Variants in MED13 observed in about 807,000 individuals in gnomAD.
MED13 encodes mediator complex subunit 13.
A neutral mutation model predicts 225.2 loss-of-function variants in MED13; 23 were observed. That is an observed-to-expected ratio of 0.10 (90% CI 0.07 to 0.14). MED13 has a LOEUF of 0.14. Ranked by LOEUF, MED13 falls within the 10% of genes least tolerant of loss-of-function variation. The probability of loss-of-function intolerance (pLI) is 1.00; values close to 1 mark genes in which losing one functional copy is unlikely to be tolerated. For missense variants in MED13, 2,197 were observed against 2,594.5 expected (o/e 0.85, Z 3.33); for synonymous variants, 942 against 889.2 (o/e 1.06, Z -1.06).
intron 9 of MED13, among the ~76,000 whole-genome samples, chr17:62,000,160 T>G (rs1351554686): frequency 6.6e-6 from 1 of 152,190 alleles, no homozygotes; most frequent in Non-Finnish European, 1.5e-5. Flanking sequence ...TAGCAATCAA[T>G]GGAAACATTT....
intron 8 of MED13, among the ~76,000 whole-genome samples, chr17:62,019,008 T>C (rs1356003730): frequency 6.6e-6 from 1 of 152,210 alleles, no homozygotes; most frequent in East Asian, 1.9e-4. Flanking sequence ...AGATTCCACA[T>C]TCCAACCAAC....
chr17:61,977,008 A>T (rs1222422109), intron 16 of MED13, among the ~76,000 whole-genome samples: 1 of 152,240 alleles, frequency 6.6e-6, no homozygotes, highest in African/African-American at 2.4e-5. Context: ...AAATTCATTC[A>T]AACATAACCT....
chr17:61,951,854 T>C (rs550748747), intron 27 of MED13, among the ~76,000 whole-genome samples: 2 of 152,308 alleles, frequency 1.3e-5, no homozygotes, highest in Admixed American at 1.3e-4. Context: ...GGGTAAATTT[T>C]ATACCTATGC....
chr17:62,013,087 G>A (rs965087940), intron 8 of MED13, among the ~76,000 whole-genome samples: 4 of 151,924 alleles, frequency 2.6e-5, no homozygotes, highest in Non-Finnish European at 4.4e-5. Flanking sequence ...CACTGCGCCC[G>A]GCCGAGACAC....
chr17:62,065,062 A>C, intron 1 of MED13, 78 bp downstream of exon 1: 1 of 1,338,690 alleles, frequency 7.5e-7, no homozygotes, highest in East Asian at 3.0e-5. Flanking sequence ...TCTGGACCAG[A>C]CCCGGCCCCC....
intron 17 of MED13, among the ~76,000 whole-genome samples, chr17:61,971,890 C>T (rs777916272): frequency 6.6e-6 from 1 of 151,856 alleles, no homozygotes. Context: ...GCCAAGACGG[C>T]GCCAGTGCAC....
At chr17:62,044,727 AT>A (rs2080884144) in intron 3 of MED13, among the ~76,000 whole-genome samples, 1 of 152,170 alleles carries the variant, frequency 6.6e-6, no homozygotes, top group South Asian at 2.1e-4. Flanking sequence ...CAGTGGCACG[AT>A]CTCTGCTCAC....
At chr17:62,049,477 ACAAT>A (rs1429285552) in intron 3 of MED13, among the ~76,000 whole-genome samples, 2 of 152,184 alleles carry the variant, frequency 1.3e-5, no homozygotes, top group Non-Finnish European at 2.9e-5. Context: ...CAGGCATAAA[ACAAT>A]CTATCAATGA....
chr17:61,988,467 T>G (rs963732507), intron 11 of MED13, among the ~76,000 whole-genome samples: 1 of 152,248 alleles, frequency 6.6e-6, no homozygotes, highest in Non-Finnish European at 1.5e-5. Flanking sequence ...TAAAAGTCAC[T>G]TCCCCAGTGT....
At chr17:61,951,984 A>G (rs1452248260) in intron 27 of MED13, among the ~76,000 whole-genome samples, 3 of 151,524 alleles carry the variant, frequency 2.0e-5, no homozygotes, top group African/African-American at 7.3e-5. Flanking sequence ...TGCAAGCTCC[A>G]CCTCCCGGGT....
At chr17:62,002,133 A>G (rs1411559870) in intron 9 of MED13, among the ~76,000 whole-genome samples, 1 of 152,188 alleles carries the variant, frequency 6.6e-6, no homozygotes, top group Non-Finnish European at 1.5e-5. Flanking sequence ...GAGGTGTTTG[A>G]TCATATTACA....
chr17:62,031,622 G>T lies in MED13; in HGVS notation c.831C>A (p.Ile277=). The change falls in exon 6 of 30, where the codon ATC becomes ATA. Residue 277 remains isoleucine (I), a synonymous_variant. Coordinates refer to ENST00000397786, the MANE Select transcript of MED13 (RefSeq NM_005121.3). Reference sequence around the variant, plus strand: ...GGACTAGAACAAAGCATGCTGGGTAGATCATTCGGACACCAGCTGAAAGGA... The same window carrying T: ...GGACTAGAACAAAGCATGCTGGGTATATCATTCGGACACCAGCTGAAAGGA... ...VEVLVAGVRM[I]YPACFVLVPQ... 6.3e-7 allele frequency: 1 copy of T among 1,580,346 alleles called. No individual in the cohort carries two copies. Among genetic ancestry groups the T allele is most frequent in the Non-Finnish European group, 8.6e-7 (1 of 1,163,740 alleles).
At chr17:62,060,619 C>T (rs1347695007) in intron 2 of MED13, among the ~76,000 whole-genome samples, 6 of 148,148 alleles carry the variant, frequency 4.1e-5, no homozygotes, top group East Asian at 2.0e-4. Context: ...CACTCCAGCC[C>T]GCGGGACAGA....
intron 2 of MED13, among the ~76,000 whole-genome samples, chr17:62,060,444 C>A (rs1306292168): frequency 1.3e-5 from 2 of 151,930 alleles, no homozygotes; most frequent in African/African-American, 4.8e-5. Flanking sequence ...AACAGTGAAA[C>A]CCCGTCTCTA....
chr17:61,965,534 C>T (rs2080050393), intron 19 of MED13, 66 bp from the exon 20 acceptor site: 4 of 1,411,486 alleles, frequency 2.8e-6, no homozygotes, highest in Non-Finnish European at 3.8e-6. Flanking sequence ...TTAAATTCTA[C>T]TGTGTAAACA....
chr17:61,960,637 T>G (rs1463107322), intron 23 of MED13, among the ~76,000 whole-genome samples: 1 of 152,128 alleles, frequency 6.6e-6, no homozygotes, highest in Non-Finnish European at 1.5e-5. Context: ...GACACAGAAG[T>G]TAGTGACCTT....
At chr17:61,967,988 C>A (rs376789525) in intron 18 of MED13, 47 bp downstream of exon 18, 5 of 1,445,502 alleles carry the variant, frequency 3.5e-6, no homozygotes, top group East Asian at 2.3e-5. Context: ...TACAACAATA[C>A]AAATCGTAAG....
At chr17:62,056,720 A>G (rs1320287676) in intron 2 of MED13, among the ~76,000 whole-genome samples, 1 of 152,158 alleles carries the variant, frequency 6.6e-6, no homozygotes, top group Admixed American at 6.5e-5. Context: ...ATGATTAAGC[A>G]CTGCAGGCTG....
At chr17:61,954,439 G>A (rs900365638) in intron 26 of MED13, among the ~76,000 whole-genome samples, 8 of 152,140 alleles carry the variant, frequency 5.3e-5, no homozygotes, top group Admixed American at 3.3e-4. Context: ...AAGCACAAGG[G>A]TAAACCTATA....
Sources: allele counts gnomAD v4.1 joint callset (sites outside exome capture counted in the v4.1 genomes callset), GRCh38; gene constraint gnomAD v4.1.1; transcripts MANE v1.5; gene names NCBI Gene and HGNC (gene_info 2026-07-23, HGNC 2026-07-21).